The following RTN4RL1 variants were observed in gnomAD, a reference collection of about 807,000 sequenced individuals.
The protein encoded by RTN4RL1 is reticulon-4 receptor-like 1.
A neutral mutation model predicts 25.6 loss-of-function variants in RTN4RL1; 7 were observed. That is an observed-to-expected ratio of 0.27 (90% CI 0.16 to 0.51). RTN4RL1 has a LOEUF of 0.51. Among genes scored for constraint, RTN4RL1 ranks in the 20% least tolerant of loss-of-function variants. The pLI is 0.97. For missense variants in RTN4RL1, 500 were observed against 615.6 expected, an observed-to-expected ratio of 0.81 and a Z score of 1.99; for synonymous variants, 297 against 288.2, an observed-to-expected ratio of 1.03 and a Z score of -0.31.
intron 1 of RTN4RL1, among the ~76,000 whole-genome samples, chr17:1,999,554 T>C (rs2066947059): frequency 6.6e-6 from 1 of 152,026 alleles, no homozygotes; most frequent in Admixed American, 6.5e-5. Context: ...GTTCACCCAC[T>C]GCCACCCTGT....
chr17:1,936,582 TG>T lies in RTN4RL1; in HGVS notation c.1239del (p.Ser414AlafsTer53). The T allele has an allele frequency of 6.3e-7, 1 of 1,575,700 alleles. No homozygotes were observed. ...GCCGAGGAGGCCTGCTGCACCCCGC[TG>T]GGGGCACGGATGGGGGTCCTGCGGG... ...KCARRTPIRA[P>X]SGVQQASSAS... is the part of the protein sequence containing the mutation. On this transcript the variant is annotated frameshift_variant, in exon 2 of 2. Coordinates refer to ENST00000331238, the MANE Select transcript of RTN4RL1 (RefSeq NM_178568.4). LOFTEE classifies it high-confidence loss of function.
At chr17:1,984,183 C>T (rs2066878843) in intron 1 of RTN4RL1, among the ~76,000 whole-genome samples, 2 of 152,224 alleles carry the variant, frequency 1.3e-5, no homozygotes, top group Non-Finnish European at 2.9e-5. Context: ...CATGGATATT[C>T]TCCCCCCTAA....
At chr17:1,956,386 G>A (rs1340947078) in intron 1 of RTN4RL1, among the ~76,000 whole-genome samples, 1 of 151,714 alleles carries the variant, frequency 6.6e-6, no homozygotes, top group Non-Finnish European at 1.5e-5. Context: ...AGTCATCAGT[G>A]GGGGTGTGAA....
rs531968400 is a variant in RTN4RL1 at position 1,939,091 on chromosome 17, A to G, written c.14-1283T>C. Among the ~76,000 whole-genome samples the G allele has an allele frequency of 2.4e-3, 358 of 151,282 alleles. 3 individuals are homozygous for G. The South Asian group carries it at 0.027, about 12-fold the overall frequency. On this transcript the variant is annotated intron_variant, in intron 1 of 1. Coordinates refer to ENST00000331238, the MANE Select transcript of RTN4RL1 (RefSeq NM_178568.4). ...ATAAAGGCCGGGAGCAGTGGCTCAC[A>G]CCTGTAGTCTCAGCACTTTGGGAGG...
intron 1 of RTN4RL1, among the ~76,000 whole-genome samples, chr17:1,938,146 C>T (rs1259661894): frequency 6.6e-5 from 10 of 152,314 alleles, no homozygotes; most frequent in Admixed American, 5.9e-4. Flanking sequence ...GGTCATGACC[C>T]AGGGACACAG....
intron 1 of RTN4RL1, among the ~76,000 whole-genome samples, chr17:2,013,113 C>T (rs745552292): frequency 2.8e-4 from 43 of 152,148 alleles, no homozygotes; most frequent in Non-Finnish European, 5.6e-4. Context: ...CTATTTTGTG[C>T]AGGATGCTGT....
intron 1 of RTN4RL1, among the ~76,000 whole-genome samples, chr17:1,985,286 ACCT>A (rs1330491773): frequency 6.6e-6 from 1 of 151,790 alleles, no homozygotes; most frequent in East Asian, 1.9e-4. Flanking sequence ...CCTTCTTCTC[ACCT>A]CCTCTGTCAA....
intron 1 of RTN4RL1, among the ~76,000 whole-genome samples, chr17:1,940,077 G>A (rs114389962): frequency 0.01 from 1,578 of 152,272 alleles, 24 homozygotes; most frequent in African/African-American, 0.037. Context: ...AGGCCTCACC[G>A]CCACTGTCAC....
At chr17:2,024,780 C>T (rs2067251480) in intron 1 of RTN4RL1, 73 bp downstream of exon 1, 2 of 1,491,510 alleles carry the variant, frequency 1.3e-6, no homozygotes, top group African/African-American at 1.4e-5. Flanking sequence ...GCCCCGGCGC[C>T]GGGCGGCGCC....
intron 1 of RTN4RL1, among the ~76,000 whole-genome samples, chr17:2,014,128 C>A (rs1481357700): frequency 6.6e-6 from 1 of 152,150 alleles, no homozygotes; most frequent in East Asian, 1.9e-4. Context: ...GGGAGGGACA[C>A]CCAGTGCCCA....
chr17:1,986,748 T>TAAA (rs56653579), intron 1 of RTN4RL1, among the ~76,000 whole-genome samples: 6,278 of 147,260 alleles, frequency 0.043, 403 homozygotes, highest in African/African-American at 0.15. Flanking sequence ...TAATAGCCAT[T>TAAA]AAAAAAAAAA....
At position 1,936,779 on chromosome 17, in the gene RTN4RL1, C is replaced by A; in HGVS notation, c.1043G>T (p.Gly348Val). 1.3e-6 allele frequency: 2 copies of A among 1,592,980 alleles called. No individual in the cohort carries two copies. Among genetic ancestry groups the A allele is most frequent in the South Asian group, 1.1e-5 (1 of 87,602 alleles). The change falls in exon 2 of 2, where the codon GGC becomes GTC. Residue 348 changes from glycine to valine, a missense_variant. Physicochemically the swap from Gly to Val is moderately radical, Grantham distance 109. This residue lies in a region of RTN4RL1 where 268 missense variants were observed against 274.5 expected (regional missense o/e 0.98). Coordinates refer to ENST00000331238, the MANE Select transcript of RTN4RL1 (RefSeq NM_178568.4). ...GCAGTTCTTCCCCGGCTTCCTGTGG[C>A]CGGGCCGGGGGCCGTGCGGGTGGCC... Reference protein sequence around the residue: ...SKGHPHGPRPGHRKPGKNCTN... With the variant: ...SKGHPHGPRPVHRKPGKNCTN...
chr17:1,948,954 G>C (rs1269664096), intron 1 of RTN4RL1, among the ~76,000 whole-genome samples: 2 of 151,410 alleles, frequency 1.3e-5, no homozygotes, highest in South Asian at 4.2e-4. Flanking sequence ...CACCACGCCT[G>C]GCTAATTTTT....
intron 1 of RTN4RL1, among the ~76,000 whole-genome samples, chr17:1,956,690 AG>A (rs1416758144): frequency 6.7e-6 from 1 of 149,068 alleles, no homozygotes; most frequent in Admixed American, 6.7e-5. Flanking sequence ...GCTGCAGGGG[AG>A]CTCAGGGTCT....
At chr17:1,993,420 T>C (rs1188182982) in intron 1 of RTN4RL1, among the ~76,000 whole-genome samples, 1 of 152,198 alleles carries the variant, frequency 6.6e-6, no homozygotes, top group Non-Finnish European at 1.5e-5. Flanking sequence ...GGGGAAGTCA[T>C]TTAACTTCCT....
intron 1 of RTN4RL1, among the ~76,000 whole-genome samples, chr17:2,008,816 C>T (rs2151325333): frequency 6.6e-6 from 1 of 152,216 alleles, no homozygotes; most frequent in South Asian, 2.1e-4. Context: ...CTCCCAGGTG[C>T]ACCTGGGAGC....
intron 1 of RTN4RL1, among the ~76,000 whole-genome samples, chr17:1,959,354 G>A (rs1352535554): frequency 6.6e-6 from 1 of 152,194 alleles, no homozygotes; most frequent in Non-Finnish European, 1.5e-5. Flanking sequence ...ACTGGACACA[G>A]TTGGCCCTCC....
rs2066903228 is a variant in RTN4RL1, at chr17:1,990,184, A to T, written c.13+34669T>A. 1.3e-5 allele frequency among the ~76,000 whole-genome samples: 2 copies of T among 151,978 alleles called. 1 individual carries two copies. The highest frequency in any genetic ancestry group is 4.2e-4 in the South Asian group (2 of 4,816). On this transcript the variant is annotated intron_variant, in intron 1 of 1. Coordinates refer to ENST00000331238, the MANE Select transcript of RTN4RL1 (RefSeq NM_178568.4). ...AGACCAGCCTGATCAACACGGTGAAACCCCATCTCTGCTAAAAATAAAAAA... is the reference window on the plus strand; with the variant it reads ...AGACCAGCCTGATCAACACGGTGAATCCCCATCTCTGCTAAAAATAAAAAA...
Position 2,017,229 on chromosome 17 carries a change from C to G in RTN4RL1, c.13+7624G>C, listed in dbSNP as rs1046739034. 2.6e-5 allele frequency among the ~76,000 whole-genome samples: 4 copies of G among 152,228 alleles called. No homozygotes were observed. In the East Asian group the frequency reaches 7.7e-4, roughly 29 times the overall value. ...GGAGGCAGAAGCAAACTTTCTACCA[C>G]CTCAGTGGGCTGAAAGTTGGGAGCC... On this transcript the variant is annotated intron_variant, in intron 1 of 1. Coordinates refer to ENST00000331238, the MANE Select transcript of RTN4RL1 (RefSeq NM_178568.4).
Sources: allele counts gnomAD v4.1 joint callset (sites outside exome capture counted in the v4.1 genomes callset), GRCh38; gene constraint gnomAD v4.1.1; regional missense constraint gnomAD v4.1.1; transcripts MANE v1.5; gene names NCBI Gene and HGNC (gene_info 2026-07-23, HGNC 2026-07-21).